The following PNO1 variants were observed in gnomAD, a reference collection of about 807,000 sequenced individuals.
PNO1 encodes the protein RNA-binding protein PNO1.
PNO1 carries 16 observed loss-of-function variants against 28.4 expected under a neutral mutation model. The ratio of observed to expected loss-of-function variants is 0.56; its 90% CI spans 0.38 to 0.85. The LOEUF (loss-of-function observed/expected upper bound fraction) is 0.85, where lower values mean the gene tolerates loss of function less well. Ranked by LOEUF, PNO1 falls within the 40% of genes least tolerant of loss-of-function variation. The probability of loss-of-function intolerance (pLI) is 0.00; values close to 1 mark genes in which losing one functional copy is unlikely to be tolerated. For synonymous variants in PNO1, 115 were observed against 110.8 expected (o/e 1.04, Z -0.24); for missense variants, 304 against 312.2 (o/e 0.97, Z 0.20).
intron 5 of PNO1, among the ~76,000 whole-genome samples, chr2:68,170,356 A>C (rs1674094878): frequency 6.6e-6 from 1 of 152,150 alleles, no homozygotes; most frequent in African/African-American, 2.4e-5. Context: ...TTGTGCAGCA[A>C]AACTACTCCC....
At position 68,162,259 on chromosome 2, in the gene PNO1, TTA is replaced by T; in HGVS notation, c.442-3_442-2del. The T allele has an allele frequency of 6.2e-7, 1 of 1,606,604 alleles. No homozygotes were observed. Among genetic ancestry groups the T allele is most frequent in the East Asian group, 2.2e-5 (1 of 44,834 alleles). ...GGGCTTCACGGTGTTTGTTTTTATA[TTA>T]TAGGATGCACTTGCCCTCATCAGGT... On this transcript the variant is annotated splice_polypyrimidine_tract_variant and splice_region_variant and intron_variant, in intron 3 of 6. Transcript: ENST00000263657.
intron 6 of PNO1, among the ~76,000 whole-genome samples, chr2:68,173,745 G>C (rs1674196152): frequency 6.6e-6 from 1 of 151,886 alleles, no homozygotes; most frequent in African/African-American, 2.4e-5. Context: ...ACCTTGCCTG[G>C]CTAATTTTTG....
chr2:68,161,061 T>C (rs547358879), intron 2 of PNO1, among the ~76,000 whole-genome samples: 14 of 152,352 alleles, frequency 9.2e-5, no homozygotes, highest in African/African-American at 3.4e-4. Context: ...AAAGTTGTTG[T>C]GAAGGTTAGA....
chr2:68,165,498 A>G (rs1198489781), intron 5 of PNO1, among the ~76,000 whole-genome samples: 1 of 136,708 alleles, frequency 7.3e-6, no homozygotes, highest in Non-Finnish European at 1.5e-5. Context: ...GTGAGTCAAG[A>G]TTGCACCACT....
At position 68,170,747 on chromosome 2, in the gene PNO1, C is replaced by CAAAAAAAAAAAAAAAAAAAAAA. The variant is rs767088135; in HGVS notation, c.621-2599_621-2578dup. Among the ~76,000 whole-genome samples, 2 of 61,098 alleles carry CAAAAAAAAAAAAAAAAAAAAAA rather than the reference C, an allele frequency of 3.3e-5. 1 individual carries two copies. The highest frequency in any genetic ancestry group is 6.4e-5 in the Non-Finnish European group (2 of 31,346). 40.1% of individuals were successfully genotyped at this position (61,098 alleles called of 152,430 possible). ...TGGGGGACAGAGCAAGACTCCGTCT[C>CAAAAAAAAAAAAAAAAAAAAAA]AAAAAAAAAAAAAAAAAAAAAAGCC... On this transcript the variant is annotated intron_variant, in intron 5 of 6. Transcript: ENST00000263657.
In PNO1 at chr2:68,174,778, T is replaced by C. The variant is rs781065468; in HGVS notation, c.735T>C (p.Ala245=). The C allele has an allele frequency of 6.2e-7, 1 of 1,609,870 alleles. No homozygotes were observed. Reference sequence around the variant, plus strand: ...TTTATGGCAATATTCGAGCTGTGGCTAGCAGATCAGCAGATCGATTCTGAT... The same window carrying C: ...TTTATGGCAATATTCGAGCTGTGGCCAGCAGATCAGCAGATCGATTCTGAT... ...SKVYGNIRAV[A]SRSADRF The change falls in exon 7 of 7, where the codon GCT becomes GCC. Residue 245 remains alanine (A), a synonymous_variant. Transcript: ENST00000263657.
At position 68,160,473 on chromosome 2, in the gene PNO1, T is replaced by C. The variant is rs749856675; in HGVS notation, c.358-1210T>C. The stretch of plus-strand genomic sequence containing the variant: ...TCTAGCTCAAGTTCTTTCTCTGTTA[T>C]GGTATGTCCATTTTTCAGTCATATC... On this transcript the variant is annotated intron_variant, in intron 2 of 6. Coordinates refer to ENST00000263657, the MANE Select transcript of PNO1 (RefSeq NM_020143.4). 2.2e-4 allele frequency among the ~76,000 whole-genome samples: 33 copies of C among 152,242 alleles called. 1 individual carries two copies. The highest frequency in any genetic ancestry group is 4.4e-4 in the Non-Finnish European group (30 of 68,042).
At chr2:68,172,507 A>T (rs1239496986) in intron 5 of PNO1, among the ~76,000 whole-genome samples, 5 of 152,182 alleles carry the variant, frequency 3.3e-5, no homozygotes, top group Non-Finnish European at 5.9e-5. Flanking sequence ...TGGAAGATGG[A>T]CTCAAAAAGG....
intron 1 of PNO1, 45 bp downstream of exon 1, chr2:68,158,186 C>A (rs575620856): frequency 6.6e-7 from 1 of 1,523,962 alleles, no homozygotes; most frequent in Admixed American, 2.1e-5. Flanking sequence ...AAGGGCCAGA[C>A]GCGGATCAAG....
At chr2:68,158,676 C>A in intron 2 of PNO1, 147 bp downstream of exon 2, 1 of 610,954 alleles carries the variant, frequency 1.6e-6, no homozygotes, top group Non-Finnish European at 2.7e-6. Flanking sequence ...TTTGAACTTC[C>A]CAAATGCCTT....
At position 68,158,309 on chromosome 2, in the gene PNO1, A is replaced by G. The variant is rs1673726104; in HGVS notation, c.208-71A>G. On this transcript the variant is annotated intron_variant, in intron 1 of 6. Transcript: ENST00000263657. ...TTCAGTTAAAGGAGGCCCTTTGTGG[A>G]TCAGATGTCATTTTAAACTCCATCA... 9 of 1,471,410 alleles carry G rather than the reference A, an allele frequency of 6.1e-6. No individual in the cohort carries two copies. The South Asian group carries it at 1.2e-4, about 19-fold the overall frequency. 91.1% of individuals were successfully genotyped at this position (1,471,410 alleles called of 1,614,324 possible). A position where few individuals can be genotyped will look rare whatever the true frequency, so the allele number is the denominator to read the frequency against.
In PNO1 at chr2:68,162,268, G is replaced by T. The variant is rs1196286045; in HGVS notation, c.445G>T (p.Ala149Ser). The change falls in exon 4 of 7, where the codon GCA (alanine) becomes TCA (serine). Residue 149 changes from alanine (A) to serine (S), a missense_variant. Physicochemically the swap from Ala to Ser is moderately conservative, Grantham distance 99. Coordinates refer to ENST00000263657, the MANE Select transcript of PNO1 (RefSeq NM_020143.4). ...GGTGTTTGTTTTTATATTATAGGAT[G>T]CACTTGCCCTCATCAGGTTGGATGA... Reference protein sequence around the residue: ...AFILGFQVEDALALIRLDDLF... With the variant: ...AFILGFQVEDSLALIRLDDLF... 6.2e-7 allele frequency: 1 copy of T among 1,609,684 alleles called. No homozygotes were observed.
At chr2:68,164,876 C>T (rs540534385) in intron 5 of PNO1, among the ~76,000 whole-genome samples, 3 of 152,132 alleles carry the variant, frequency 2.0e-5, no homozygotes, top group Non-Finnish European at 2.9e-5. Flanking sequence ...CCAGATAAAC[C>T]TGTTGTAAAT....
chr2:68,163,510 G>A (rs550855349), intron 5 of PNO1, among the ~76,000 whole-genome samples: 7 of 152,058 alleles, frequency 4.6e-5, no homozygotes, highest in African/African-American at 1.4e-4. Flanking sequence ...CAGCCTGGGC[G>A]ACAGAGTGAG....
At chr2:68,174,218 A>G (rs1298896369) in intron 6 of PNO1, among the ~76,000 whole-genome samples, 3 of 149,330 alleles carry the variant, frequency 2.0e-5, no homozygotes, top group Non-Finnish European at 4.4e-5. Flanking sequence ...TATTTTAACA[A>G]CTCAGTGCCT....
chr2:68,167,693 C>T (rs1482140295), intron 5 of PNO1, among the ~76,000 whole-genome samples: 2 of 152,188 alleles, frequency 1.3e-5, no homozygotes, highest in East Asian at 3.8e-4. Context: ...TATTATTTCT[C>T]CTCAGTGATT....
At chr2:68,174,607 C>T in intron 6 of PNO1, 128 bp from the exon 7 acceptor site, 1 of 576,216 alleles carries the variant, frequency 1.7e-6, no homozygotes, top group South Asian at 2.4e-5. Context: ...ATGTAAGAGA[C>T]TTGAGCATCC....
At chr2:68,159,850 C>T (rs886910983) in intron 2 of PNO1, among the ~76,000 whole-genome samples, 2 of 151,916 alleles carry the variant, frequency 1.3e-5, no homozygotes, top group African/African-American at 4.8e-5. Flanking sequence ...GTTTCCCTTG[C>T]TTCATTGTTT....
At chr2:68,173,613 C>T (rs1323312117) in intron 6 of PNO1, among the ~76,000 whole-genome samples, 196 bp downstream of exon 6, 5 of 131,472 alleles carry the variant, frequency 3.8e-5, no homozygotes, top group South Asian at 2.4e-4. Context: ...GCCAGAGTCT[C>T]GCTGTGTCGC....
Sources: gnomAD v4.1 joint callset for allele counts (sites outside exome capture counted in the v4.1 genomes callset) on GRCh38, gnomAD v4.1.1 for gene constraint, MANE v1.5 for transcripts, NCBI Gene and HGNC (gene_info 2026-07-23, HGNC 2026-07-21) for gene names.